The following FGGY variants were observed in gnomAD, a reference collection of about 807,000 sequenced individuals.
The protein encoded by FGGY is FGGY carbohydrate kinase domain containing, also known as FGGY carbohydrate kinase domain-containing protein.
FGGY carries 72 observed loss-of-function variants against 71.3 expected under a neutral mutation model. The ratio of observed to expected loss-of-function variants is 1.01; its 90% CI spans 0.84 to 1.23. The LOEUF (loss-of-function observed/expected upper bound fraction) is 1.23. Ranked by LOEUF, FGGY falls within the 50% of genes most tolerant of loss-of-function variation. The probability of loss-of-function intolerance (pLI) is 0.00; values close to 1 mark genes in which losing one functional copy is unlikely to be tolerated. For missense variants in FGGY, 668 were observed against 682.3 expected (o/e 0.98, Z 0.23); for synonymous variants, 251 against 250.3 (o/e 1.00, Z -0.02).
intron 4 of FGGY, among the ~76,000 whole-genome samples, chr1:59,366,236 A>T (rs1212977608): frequency 6.6e-6 from 1 of 152,262 alleles, no homozygotes; most frequent in Non-Finnish European, 1.5e-5. Context: ...TGAAAATTAA[A>T]TAAACTATAC....
At chr1:59,607,389 C>T (rs1374881619) in intron 8 of FGGY, among the ~76,000 whole-genome samples, 1 of 152,184 alleles carries the variant, frequency 6.6e-6, no homozygotes, top group African/African-American at 2.4e-5. Context: ...ACATCTGCCT[C>T]ATTCTCTTGG....
At chr1:59,695,253 A>T (rs2097647115) in intron 14 of FGGY, among the ~76,000 whole-genome samples, 1 of 152,176 alleles carries the variant, frequency 6.6e-6, no homozygotes, top group Non-Finnish European at 1.5e-5. Context: ...CACTAATTTT[A>T]TTGCAATGAC....
intron 6 of FGGY, among the ~76,000 whole-genome samples, chr1:59,494,058 G>T (rs566454556): frequency 1.3e-5 from 2 of 152,216 alleles, no homozygotes; most frequent in African/African-American, 4.8e-5. Context: ...GTTTGTATCT[G>T]CTGTGATACA....
At chr1:59,345,989 A>G (rs1222375205) in intron 3 of FGGY, among the ~76,000 whole-genome samples, 2 of 152,194 alleles carry the variant, frequency 1.3e-5, no homozygotes, top group Non-Finnish European at 2.9e-5. Flanking sequence ...AATATAATTA[A>G]TTGGTAGATG....
At chr1:59,693,415 G>A (rs1323474880) in intron 14 of FGGY, among the ~76,000 whole-genome samples, 1 of 152,216 alleles carries the variant, frequency 6.6e-6, no homozygotes, top group Non-Finnish European at 1.5e-5. Context: ...AGGTGGCACT[G>A]GCACCTCCCT....
intron 4 of FGGY, among the ~76,000 whole-genome samples, chr1:59,348,385 T>C (rs1468719624): frequency 6.6e-6 from 1 of 152,174 alleles, no homozygotes; most frequent in Non-Finnish European, 1.5e-5. Flanking sequence ...TATGGCAATC[T>C]CTGGTCAAAG....
chr1:59,586,433 C>T (rs1034761361), intron 8 of FGGY, among the ~76,000 whole-genome samples: 4 of 152,072 alleles, frequency 2.6e-5, no homozygotes, highest in Admixed American at 6.5e-5. Context: ...CACATGTTCT[C>T]ACTCATAGGT....
intron 7 of FGGY, among the ~76,000 whole-genome samples, chr1:59,532,415 A>G (rs754815320): frequency 3.3e-4 from 50 of 152,314 alleles, no homozygotes; most frequent in Middle Eastern, 3.4e-3. Context: ...CAAGAATGAG[A>G]GAAGAGAGAT....
chr1:59,558,969 C>T (rs1338475460), intron 8 of FGGY, among the ~76,000 whole-genome samples: 1 of 152,096 alleles, frequency 6.6e-6, no homozygotes, highest in Non-Finnish European at 1.5e-5. Flanking sequence ...GCTCTTTTTG[C>T]CCGACCCCAC....
intron 4 of FGGY, among the ~76,000 whole-genome samples, chr1:59,376,895 A>G (rs1485606599): frequency 6.6e-6 from 1 of 152,064 alleles, no homozygotes; most frequent in East Asian, 1.9e-4. Context: ...TTGAAATTCT[A>G]CCTCTTCAGG....
At chr1:59,304,313 C>T (rs2043156798) in intron 1 of FGGY, among the ~76,000 whole-genome samples, 1 of 152,086 alleles carries the variant, frequency 6.6e-6, no homozygotes, top group Non-Finnish European at 1.5e-5. Context: ...TTTCCAACAC[C>T]ATTTATTCAA....
intron 7 of FGGY, among the ~76,000 whole-genome samples, chr1:59,541,431 G>T (rs192092219): frequency 1.6e-3 from 248 of 152,218 alleles, no homozygotes; most frequent in Non-Finnish European, 2.9e-3. Flanking sequence ...TGCCAGGCCT[G>T]TACAGAGCTG....
At chr1:59,474,137 C>G (rs1379477852) in intron 6 of FGGY, 2 of 152,196 alleles carry the variant, frequency 1.3e-5, no homozygotes, top group African/African-American at 2.4e-5. Context: ...GCTGGCCCTT[C>G]CAGGAATAGC....
intron 5 of FGGY, among the ~76,000 whole-genome samples, chr1:59,392,869 T>A (rs571848760): frequency 1.6e-4 from 24 of 152,302 alleles, no homozygotes; most frequent in African/African-American, 5.8e-4. Flanking sequence ...TGCTTTTCCT[T>A]TTGTTAAATA....
At chr1:59,676,910 G>A (rs756597133) in intron 14 of FGGY, among the ~76,000 whole-genome samples, 41 of 152,148 alleles carry the variant, frequency 2.7e-4, no homozygotes, top group African/African-American at 7.2e-4. Context: ...GTCCTCAGAC[G>A]ATGTCACTTG....
chr1:59,414,532 G>T (rs1453224003), intron 5 of FGGY, among the ~76,000 whole-genome samples: 1 of 152,212 alleles, frequency 6.6e-6, no homozygotes, highest in Non-Finnish European at 1.5e-5. Context: ...GGGGGCACCT[G>T]TGTCCCTTCT....
At chr1:59,455,275 T>C (rs774370927) in intron 5 of FGGY, among the ~76,000 whole-genome samples, 56 of 152,268 alleles carry the variant, frequency 3.7e-4, no homozygotes, top group African/African-American at 1.1e-3. Flanking sequence ...CTGCCCTTCA[T>C]TGGGGCTTCC....
chr1:59,339,636 C>T (rs919447433), intron 2 of FGGY, among the ~76,000 whole-genome samples: 2 of 151,526 alleles, frequency 1.3e-5, no homozygotes, highest in Non-Finnish European at 1.5e-5. Flanking sequence ...GGCTAATTTT[C>T]GTATTTTTAG....
At chr1:59,507,238 G>A (rs74771712) in intron 6 of FGGY, among the ~76,000 whole-genome samples, 3,641 of 152,288 alleles carry the variant, frequency 0.024, 139 homozygotes, top group African/African-American at 0.083. Context: ...CCGCCTGTGG[G>A]TGGTTGAAGT....
Sources: allele counts gnomAD v4.1 joint callset (sites outside exome capture counted in the v4.1 genomes callset), GRCh38; gene constraint gnomAD v4.1.1; transcripts MANE v1.5; gene names NCBI Gene and HGNC (gene_info 2026-07-23, HGNC 2026-07-21).